SYCP2L: variants seen among roughly 807,000 people sequenced by gnomAD.
SYCP2L encodes the protein synaptonemal complex protein 2-like.
Under a neutral mutation model 125.8 loss-of-function variants are expected in SYCP2L, and 98 were observed. The observed-to-expected ratio is 0.78, with a 90% CI of 0.66 to 0.92. The LOEUF is 0.92. Ranked by LOEUF, SYCP2L falls within the 40% of genes least tolerant of loss-of-function variation. SYCP2L has a pLI of 0.00. For missense variants in SYCP2L, 842 were observed against 936.4 expected, an observed-to-expected ratio of 0.90 and a Z score of 1.32; for synonymous variants, 317 against 325.4, an observed-to-expected ratio of 0.97 and a Z score of 0.28.
chr6:10,908,180 G>A (rs1010393619), intron 10 of SYCP2L, among the ~76,000 whole-genome samples: 2 of 152,126 alleles, frequency 1.3e-5, no homozygotes, highest in Non-Finnish European at 2.9e-5. Flanking sequence ...GAGCCACCAT[G>A]TCTGTCTAGG....
intron 23 of SYCP2L, 42 bp from the exon 24 acceptor site, chr6:10,955,074 A>G: frequency 7.0e-7 from 1 of 1,427,304 alleles, no homozygotes; most frequent in Admixed American, 1.7e-5. Flanking sequence ...AATGAACAAG[A>G]TAATTTCGGG....
chr6:10,927,311 C>T lies in SYCP2L; in HGVS notation c.1384C>T (p.His462Tyr). ...AGATGACCGCTGCCTAATAACTCTC[C>T]ACTTAAATGACCAATCTGAGCCACC... ...AEDDRCLITLHLNDQSEPPVI... is the reference protein window; with the variant it reads ...AEDDRCLITLYLNDQSEPPVI... The change falls in exon 17 of 30, where the codon CAC becomes TAC. Residue 462 changes from histidine to tyrosine, a missense_variant. His to Tyr is a moderately conservative substitution (Grantham distance 83, BLOSUM62 2). Coordinates refer to ENST00000283141, the MANE Select transcript of SYCP2L (RefSeq NM_001040274.3). 1 of 1,614,108 alleles carries T rather than the reference C, an allele frequency of 6.2e-7. No individual in the cohort carries two copies. The highest frequency in any genetic ancestry group is 1.1e-5 in the South Asian group (1 of 91,072).
At position 10,926,348 on chromosome 6, in the gene SYCP2L, G is replaced by T; in HGVS notation, c.1228G>T (p.Asp410Tyr). 6.2e-7 allele frequency: 1 copy of T among 1,613,096 alleles called. No individual in the cohort carries two copies. The highest frequency in any genetic ancestry group is 1.1e-5 in the South Asian group (1 of 90,986). The change falls in exon 16 of 30, where the codon GAC becomes TAC. Residue 410 changes from aspartate (D) to tyrosine (Y), a missense_variant. Coordinates refer to ENST00000283141, the MANE Select transcript of SYCP2L (RefSeq NM_001040274.3). ...TTGTCTTGCATTTCAGATGTTGCCT[G>T]ACCAGACGAAAATCTCCTCAGAACT... ...ALGEDKQMLP[D>Y]QTKISSELFS...
At chr6:10,895,417 A>T (rs1408601596) in intron 4 of SYCP2L, among the ~76,000 whole-genome samples, 1 of 152,148 alleles carries the variant, frequency 6.6e-6, no homozygotes, top group Non-Finnish European at 1.5e-5. Context: ...CGTACAATCT[A>T]ATTCCGGTTG....
At chr6:10,895,084 A>C (rs1436704971) in intron 4 of SYCP2L, among the ~76,000 whole-genome samples, 1 of 152,164 alleles carries the variant, frequency 6.6e-6, no homozygotes, top group Non-Finnish European at 1.5e-5. Context: ...TTGCAGGGGG[A>C]ATTAAGGACT....
chr6:10,899,269 T>C (rs939078028), intron 6 of SYCP2L, among the ~76,000 whole-genome samples: 3 of 152,186 alleles, frequency 2.0e-5, no homozygotes, highest in Non-Finnish European at 2.9e-5. Context: ...GTAATTATGC[T>C]GGGTGTGGTG....
chr6:10,968,761 G>A (rs1004283324), intron 29 of SYCP2L, among the ~76,000 whole-genome samples: 1 of 152,166 alleles, frequency 6.6e-6, no homozygotes, highest in African/African-American at 2.4e-5. Flanking sequence ...GTGAGGGTGT[G>A]GGGGATGATG....
At chr6:10,959,989 C>T (rs1311331313) in intron 26 of SYCP2L, among the ~76,000 whole-genome samples, 1 of 151,920 alleles carries the variant, frequency 6.6e-6, no homozygotes, top group African/African-American at 2.4e-5. Context: ...TACAGAGGTG[C>T]CAGGATTTCA....
intron 20 of SYCP2L, among the ~76,000 whole-genome samples, chr6:10,932,509 G>A (rs1352941302): frequency 6.6e-6 from 1 of 152,098 alleles, no homozygotes; most frequent in Non-Finnish European, 1.5e-5. Context: ...GTTTGGTTAG[G>A]GTTTTAATCA....
At chr6:10,951,927 T>C (rs1781416841) in intron 23 of SYCP2L, among the ~76,000 whole-genome samples, 1 of 152,266 alleles carries the variant, frequency 6.6e-6, no homozygotes, top group Admixed American at 6.5e-5. Flanking sequence ...CCCAGTCGGC[T>C]ACCCAAGATA....
chr6:10,887,053 G>C lies in SYCP2L; in HGVS notation c.-74G>C, dbSNP rs751430890. ...CCCCAGCGGGCGGGGCTCTTGGGCG[G>C]GGAAGCAGGAGAGGGCCGACCGAGC... On this transcript the variant is annotated 5_prime_UTR_variant, in exon 1 of 30. Transcript: ENST00000283141. 1 of 1,605,520 alleles carries C rather than the reference G, an allele frequency of 6.2e-7. No individual in the cohort carries two copies. The highest frequency in any genetic ancestry group is 8.5e-7 in the Non-Finnish European group (1 of 1,174,036).
rs764052089 is a variant in SYCP2L, at chr6:10,931,447, A to G, written c.1641A>G (p.Pro547=). 7 of 1,614,042 alleles carry G rather than the reference A, an allele frequency of 4.3e-6. No individual in the cohort carries two copies. The highest frequency in any genetic ancestry group is 1.7e-5 in the Admixed American group (1 of 59,996). Residue 547 remains proline (P), a synonymous_variant, in exon 20 of 30, where the codon CCA becomes CCG. Coordinates refer to ENST00000283141, the MANE Select transcript of SYCP2L (RefSeq NM_001040274.3). ...TRTRSNLRIL[P]VFPPSSGSGH... ...TGTTTTCTTTCAATTTAGTCTTGCC[A>G]GTTTTCCCTCCCAGTAGTGGCAGTG... is the stretch of plus-strand genomic sequence containing the variant.
chr6:10,905,111 C>G (rs1457166313), intron 8 of SYCP2L, among the ~76,000 whole-genome samples: 1 of 131,776 alleles, frequency 7.6e-6, no homozygotes, highest in Non-Finnish European at 1.6e-5. Flanking sequence ...CCACTGCACT[C>G]CAGCCTGGGT....
chr6:10,952,912 A>C (rs1161717418), intron 23 of SYCP2L, among the ~76,000 whole-genome samples: 1 of 152,206 alleles, frequency 6.6e-6, no homozygotes, highest in Admixed American at 6.5e-5. Context: ...AGAAGAAAAG[A>C]GGTACTAGCT....
In SYCP2L at chr6:10,912,392, G is replaced by GAAA; in HGVS notation, c.919-275_919-273dup. On this transcript the variant is annotated intron_variant, in intron 12 of 29. Coordinates refer to ENST00000283141, the MANE Select transcript of SYCP2L (RefSeq NM_001040274.3). This position sits in a 1 kb window ranked among gnomAD's most constrained non-coding sequence, Gnocchi z 4.1. Reference sequence around the variant, plus strand: ...ACTGTTTTCTCCGTGATTTTCATTAGAAAAAAAATTGTGTGGATAGAATAA... The same window carrying GAAA: ...ACTGTTTTCTCCGTGATTTTCATTAGAAAAAAAAAAATTGTGTGGATAGAATAA... Among the ~76,000 whole-genome samples the GAAA allele has an allele frequency of 6.6e-6, 1 of 151,950 alleles. No individual in the cohort carries two copies. The highest frequency in any genetic ancestry group is 2.1e-4 in the South Asian group (1 of 4,814).
At chr6:10,894,063 A>G (rs1284682593) in intron 3 of SYCP2L, 22 bp from the exon 4 acceptor site, 1 of 1,603,670 alleles carries the variant, frequency 6.2e-7, no homozygotes, top group South Asian at 1.1e-5. Flanking sequence ...AAGTGTTTTA[A>G]CTTAGTGTGG....
intron 29 of SYCP2L, 69 bp downstream of exon 29, chr6:10,963,912 G>T: frequency 8.6e-7 from 1 of 1,169,320 alleles, no homozygotes; most frequent in Non-Finnish European, 1.3e-6. Flanking sequence ...AGCTCTAAAA[G>T]ATACTGTAAT....
At chr6:10,942,782 A>G (rs1781247683) in intron 23 of SYCP2L, 36 bp downstream of exon 23, 1 of 1,515,418 alleles carries the variant, frequency 6.6e-7, no homozygotes, top group African/African-American at 1.4e-5. Flanking sequence ...TTTTTTGCAG[A>G]ATAAAATGAA....
At position 10,903,464 on chromosome 6, in the gene SYCP2L, C is replaced by T. The variant is rs181020659; in HGVS notation, c.641+501C>T. 2.4e-3 allele frequency among the ~76,000 whole-genome samples: 364 copies of T among 152,228 alleles called. 1 individual carries two copies. The highest frequency in any genetic ancestry group is 8.4e-3 in the African/African-American group (347 of 41,542). ...TCAGGAGGCTGAGGCAGGAGAATGG[C>T]GTGAACCTGGGAGGTGGAGCTTGCA... On this transcript the variant is annotated intron_variant, in intron 8 of 29. Transcript: ENST00000283141.
Sources: gnomAD v4.1 joint callset for allele counts (sites outside exome capture counted in the v4.1 genomes callset) on GRCh38, gnomAD v4.1.1 for gene constraint, Gnocchi (gnomAD v3.1) non-coding constraint, MANE v1.5 for transcripts, NCBI Gene and HGNC (gene_info 2026-07-23, HGNC 2026-07-21) for gene names.